Variants in LLGL2 observed in about 807,000 individuals in gnomAD.
LLGL2 encodes the protein LLGL scribble cell polarity complex component 2.
Under a neutral mutation model 123.2 loss-of-function variants are expected in LLGL2, and 81 were observed. The observed-to-expected ratio is 0.66, with a 90% CI of 0.55 to 0.79. The LOEUF is 0.79. Among genes scored for constraint, LLGL2 ranks in the 30% least tolerant of loss-of-function variants. LLGL2 has a pLI of 0.00. For missense variants in LLGL2, 1,273 were observed against 1,414.6 expected (o/e 0.90, Z 1.61); for synonymous variants, 577 against 594.1 (o/e 0.97, Z 0.42).
At chr17:75,557,482 G>A (rs149347379) in intron 3 of LLGL2, among the ~76,000 whole-genome samples, 2,522 of 152,320 alleles carry the variant, frequency 0.017, 36 homozygotes, top group Middle Eastern at 0.075. Context: ...GATCAGGTTG[G>A]GCACCCCGCC....
chr17:75,572,038 CTCG>C lies in LLGL2; in HGVS notation c.2439_2441del (p.Val814del), dbSNP rs1177764463. ...TGACATGCAGGGAAGCCACCAGCTG[CTCG>C]TCGTATCAGAGGAGCAGTTCAAGGT... On this transcript the variant is annotated inframe_deletion, in exon 19 of 26. Transcript: ENST00000392550. 1.2e-6 allele frequency: 2 copies of C among 1,612,140 alleles called. No individual in the cohort carries two copies. The highest frequency in any genetic ancestry group is 1.1e-5 in the South Asian group (1 of 91,064).
rs1318124308 is a variant in LLGL2 at position 75,571,707 on chromosome 17, G to A, written c.2217G>A (p.Gly739=). 1 of 1,609,768 alleles carries A rather than the reference G, an allele frequency of 6.2e-7. No individual in the cohort carries two copies. Among genetic ancestry groups the A allele is most frequent in the Non-Finnish European group, 8.5e-7 (1 of 1,179,952 alleles). The change falls in exon 18 of 26, where the codon GGG becomes GGA. Residue 739 remains glycine, a synonymous_variant. Transcript: ENST00000392550. ...HCPSLWAGTN[G]GTIYAFSLRV... ...CCTCGCTGTGGGCTGGCACCAATGG[G>A]GGCACCATCTATGCCTTCTCCCTGC...
chr17:75,525,457 C>T (rs980597106), upstream of LLGL2, among the ~76,000 whole-genome samples: 5 of 151,784 alleles, frequency 3.3e-5, no homozygotes, highest in Admixed American at 1.3e-4. The surrounding 1 kb of genome is among the most constrained non-coding windows in gnomAD (Gnocchi z 4.8). Flanking sequence ...GGGCGCGGCG[C>T]GCCGTTCTGC....
chr17:75,535,715 T>TTC (rs917309574), intron 1 of LLGL2, among the ~76,000 whole-genome samples: 1 of 152,168 alleles, frequency 6.6e-6, no homozygotes, highest in Non-Finnish European at 1.5e-5. Context: ...CGTGTGGTTA[T>TTC]TCTCTCTCTC....
chr17:75,563,709 T>G, intron 8 of LLGL2, 43 bp from the exon 9 acceptor site: 4 of 1,609,126 alleles, frequency 2.5e-6, no homozygotes, highest in South Asian at 1.1e-5. Context: ...GACACTTGTC[T>G]GAGAGTTTGA....
intron 1 of LLGL2, among the ~76,000 whole-genome samples, chr17:75,534,547 C>T (rs746576237): frequency 6.6e-6 from 1 of 152,158 alleles, no homozygotes; most frequent in Non-Finnish European, 1.5e-5. Context: ...GTGGTGCCAT[C>T]ATAGCTCACT....
intron 1 of LLGL2, among the ~76,000 whole-genome samples, chr17:75,535,195 GAGT>G (rs764134542): frequency 9.9e-5 from 15 of 152,260 alleles, no homozygotes; most frequent in Non-Finnish European, 1.8e-4. Context: ...AGTGCCATCA[GAGT>G]AGGAGGTGCA....
chr17:75,560,142 G>C (rs148421668), intron 6 of LLGL2, among the ~76,000 whole-genome samples: 36 of 152,326 alleles, frequency 2.4e-4, no homozygotes, highest in African/African-American at 8.2e-4. Flanking sequence ...CTCCAGCCCT[G>C]GGTGGTGATG....
intron 19 of LLGL2, 61 bp downstream of exon 19, chr17:75,572,125 C>T (rs1397804085): frequency 3.3e-6 from 5 of 1,521,608 alleles, no homozygotes; most frequent in Non-Finnish European, 3.6e-6. Context: ...GAGGCTCGGA[C>T]CTTGGGCAAA....
intron 2 of LLGL2, among the ~76,000 whole-genome samples, chr17:75,548,050 A>G (rs1214320714): frequency 6.6e-6 from 1 of 152,234 alleles, no homozygotes; most frequent in Non-Finnish European, 1.5e-5. Flanking sequence ...AAGTGCCAAC[A>G]TGACACTGAA....
intron 10 of LLGL2, chr17:75,567,947 AAAG>A (rs2055515878): frequency 1.7e-6 from 1 of 596,342 alleles, no homozygotes; most frequent in Non-Finnish European, 2.1e-6. Context: ...TGTCTCGAGA[AAAG>A]AAAAAAAAAA....
rs1034552895 is a variant in LLGL2 at position 75,572,117 on chromosome 17, G to A, written c.2460+53G>A. 5.1e-6 allele frequency: 8 copies of A among 1,560,760 alleles called. No individual in the cohort carries two copies. The African/African-American group carries it at 9.5e-5, about 18-fold the overall frequency. On this transcript the variant is annotated intron_variant, in intron 19 of 25. Transcript: ENST00000392550. ...CTGGGACTCCCCGGGACATCCAGGAGGCTCGGACCTTGGGCAAAAATGATG... is the reference window on the plus strand; with the variant it reads ...CTGGGACTCCCCGGGACATCCAGGAAGCTCGGACCTTGGGCAAAAATGATG...
intron 19 of LLGL2, among the ~76,000 whole-genome samples, chr17:75,572,498 C>A (rs910355096): frequency 2.6e-5 from 4 of 152,106 alleles, no homozygotes; most frequent in African/African-American, 9.7e-5. Flanking sequence ...CCCGTCTCTA[C>A]AAACAAATGC....
chr17:75,572,103 C>A, intron 19 of LLGL2, 39 bp downstream of exon 19: 1 of 1,585,220 alleles, frequency 6.3e-7, no homozygotes, highest in Non-Finnish European at 8.6e-7. Flanking sequence ...TGGGACTCCC[C>A]GGGACATCCA....
At chr17:75,536,162 T>C (rs1193242633) in intron 1 of LLGL2, among the ~76,000 whole-genome samples, 1 of 152,076 alleles carries the variant, frequency 6.6e-6, no homozygotes, top group Non-Finnish European at 1.5e-5. Context: ...TAGAAGTTAG[T>C]GGGGTGGAGA....
In LLGL2 at chr17:75,570,170, C is replaced by T; in HGVS notation, c.1789C>T (p.His597Tyr). The T allele has an allele frequency of 6.3e-7, 1 of 1,596,160 alleles. No homozygotes were observed. Among genetic ancestry groups the T allele is most frequent in the Non-Finnish European group, 8.5e-7 (1 of 1,172,344 alleles). Residue 597 changes from histidine (H) to tyrosine (Y), a missense_variant, in exon 15 of 26, where the codon CAC becomes TAC. Physicochemically the swap from His to Tyr is moderately conservative, Grantham distance 83 (BLOSUM62 2). Transcript: ENST00000392550. Reference sequence around the variant, plus strand: ...GGCTGTGGTCACCTCCTTGGCCCTGCACTCTGAGTGGCGGCTCGTGGCCTT... The same window carrying T: ...GGCTGTGGTCACCTCCTTGGCCCTGTACTCTGAGTGGCGGCTCGTGGCCTT... The part of the protein sequence containing the change: ...PPAVVTSLAL[H>Y]SEWRLVAFGT...
intron 6 of LLGL2, among the ~76,000 whole-genome samples, chr17:75,560,816 A>AC (rs2055176124): frequency 1.9e-5 from 2 of 108,070 alleles, no homozygotes; most frequent in Non-Finnish European, 3.5e-5. Flanking sequence ...AAAAAAAAAA[A>AC]AAAAAAAAAA....
Position 75,573,941 on chromosome 17 carries a change from T to C in LLGL2, c.2877-11T>C, listed in dbSNP as rs1362040736. ...CGGGGGCCCTGGTCCTCACTGTCTC[T>C]TCCCCCACAGGAACTCAGGGACTCA... is the stretch of plus-strand genomic sequence containing the variant. On this transcript the variant is annotated splice_polypyrimidine_tract_variant and intron_variant, in intron 21 of 25. Transcript: ENST00000392550. 3 of 1,550,660 alleles carry C rather than the reference T, an allele frequency of 1.9e-6. No individual in the cohort carries two copies. Among genetic ancestry groups the C allele is most frequent in the Non-Finnish European group, 2.6e-6 (3 of 1,146,950 alleles).
At chr17:75,543,328 T>C in intron 1 of LLGL2, 69 bp from the exon 2 acceptor site, 2 of 1,083,950 alleles carry the variant, frequency 1.8e-6, no homozygotes, top group Non-Finnish European at 2.7e-6. Context: ...CTGCTCCACC[T>C]GTTTGGGCCG....
Sources: gnomAD v4.1 joint callset for allele counts (sites outside exome capture counted in the v4.1 genomes callset) on GRCh38, gnomAD v4.1.1 for gene constraint, Gnocchi (gnomAD v3.1) non-coding constraint, MANE v1.5 for transcripts, NCBI Gene and HGNC (gene_info 2026-07-23, HGNC 2026-07-21) for gene names.